The following PUM2 variants were observed in gnomAD, a reference collection of about 807,000 sequenced individuals.
The protein encoded by PUM2 is pumilio homolog 2.
PUM2 carries 57 observed loss-of-function variants against 124.5 expected under a neutral mutation model. The observed-to-expected ratio is 0.46, with a 90% confidence interval of 0.37 to 0.57. PUM2 has a LOEUF of 0.57. Ranked by LOEUF, PUM2 falls within the 20% of genes least tolerant of loss-of-function variation. PUM2 has a pLI of 0.00. For synonymous variants in PUM2, 460 were observed against 446.1 expected (o/e 1.03, Z -0.39); for missense variants, 1,065 against 1,290.6 (o/e 0.83, Z 2.68).
intron 1 of PUM2, among the ~76,000 whole-genome samples, chr2:20,328,073 G>C (rs1379963748): frequency 6.6e-6 from 1 of 152,152 alleles, no homozygotes; most frequent in Non-Finnish European, 1.5e-5. Flanking sequence ...GGTGGCTCAC[G>C]ACTATAATCT....
chr2:20,315,026 T>TCTTCAAATCAATGCCTTCAAACCAATC (rs1680537550), intron 3 of PUM2, among the ~76,000 whole-genome samples: 1 of 148,236 alleles, frequency 6.7e-6, no homozygotes, highest in Non-Finnish European at 1.5e-5. Context: ...TCCTTCCAAG[T>TCTTCAAATCAATGCCTTCAAACCAATC]CTTCAAATCA....
At chr2:20,282,463 A>G (rs1324031981) in intron 12 of PUM2, among the ~76,000 whole-genome samples, 1 of 152,248 alleles carries the variant, frequency 6.6e-6, no homozygotes, top group African/African-American at 2.4e-5. Context: ...TTATACATAC[A>G]CATATGTATT....
chr2:20,334,103 C>G (rs929870619), intron 1 of PUM2, among the ~76,000 whole-genome samples: 1 of 152,020 alleles, frequency 6.6e-6, no homozygotes. Flanking sequence ...TCTAAATTAC[C>G]CAGTCTCAGA....
chr2:20,317,713 T>C (rs1231036785), intron 3 of PUM2, among the ~76,000 whole-genome samples: 3 of 152,078 alleles, frequency 2.0e-5, no homozygotes, highest in Admixed American at 2.0e-4. Flanking sequence ...TCCCACCCTC[T>C]ACCCTCAAGG....
rs552296318 is a variant in PUM2, at chr2:20,261,988, G to C, written c.2225+1205C>G. The stretch of plus-strand genomic sequence containing the variant: ...TGCGTGCCTGTAGTCCCAGCTATTC[G>C]GGATGCTTAGGTGGGAGGACTGCTT... On this transcript the variant is annotated intron_variant, in intron 14 of 20. Coordinates refer to ENST00000361078, the MANE Select transcript of PUM2 (RefSeq NM_015317.5). Among the ~76,000 whole-genome samples the C allele has an allele frequency of 3.9e-3, 598 of 152,188 alleles. 2 individuals carry two copies. Among genetic ancestry groups the C allele is most frequent in the Non-Finnish European group, 5.8e-3 (396 of 67,996 alleles).
intron 7 of PUM2, among the ~76,000 whole-genome samples, chr2:20,304,724 T>C (rs760555650): frequency 6.6e-6 from 1 of 152,198 alleles, no homozygotes; most frequent in Non-Finnish European, 1.5e-5. Flanking sequence ...AGATCAGCTA[T>C]ATTCAAAGCT....
intron 1 of PUM2, among the ~76,000 whole-genome samples, chr2:20,335,616 AT>A (rs1215642774): frequency 2.0e-5 from 3 of 152,212 alleles, no homozygotes; most frequent in Non-Finnish European, 2.9e-5. Context: ...AAATACTTTC[AT>A]GGGGGAGTTA....
intron 13 of PUM2, among the ~76,000 whole-genome samples, chr2:20,276,399 A>G (rs926437781): frequency 3.3e-5 from 5 of 152,064 alleles, no homozygotes; most frequent in African/African-American, 4.8e-5. Flanking sequence ...TGGTTGTAAC[A>G]TTCACATCTT....
chr2:20,317,588 T>G (rs988857335), intron 3 of PUM2, among the ~76,000 whole-genome samples: 6 of 152,190 alleles, frequency 3.9e-5, no homozygotes, highest in Non-Finnish European at 5.9e-5. Context: ...GGGGTACATG[T>G]GCAGGTTTGT....
chr2:20,298,404 T>A (rs574666288), intron 7 of PUM2, among the ~76,000 whole-genome samples: 1 of 152,258 alleles, frequency 6.6e-6, no homozygotes, highest in African/African-American at 2.4e-5. Context: ...CACTTCTGAG[T>A]AACATACGTC....
chr2:20,301,735 G>A (rs12478265), intron 7 of PUM2, among the ~76,000 whole-genome samples: 41,665 of 151,894 alleles, frequency 0.27, 6,229 homozygotes, highest in Middle Eastern at 0.35. Context: ...CTACAGGTAC[G>A]CACTACCATA....
At chr2:20,351,008 G>A (rs1397587457), upstream of PUM2, among the ~76,000 whole-genome samples, 1 of 151,980 alleles carries the variant, frequency 6.6e-6, no homozygotes, top group Non-Finnish European at 1.5e-5. Context: ...GCTCTCACGT[G>A]TTTGGCCGCC....
chr2:20,326,256 C>T (rs1011459858), intron 2 of PUM2: 5 of 1,303,026 alleles, frequency 3.8e-6, no homozygotes, highest in African/African-American at 1.5e-5. Context: ...AGCACCTTAA[C>T]TCACCCTTAA....
intron 7 of PUM2, among the ~76,000 whole-genome samples, chr2:20,297,947 T>C (rs554697012): frequency 6.6e-6 from 1 of 152,300 alleles, no homozygotes; most frequent in South Asian, 2.1e-4. Context: ...AGGTATGTTA[T>C]AGAAAATAAA....
intron 9 of PUM2, among the ~76,000 whole-genome samples, chr2:20,292,551 G>A (rs948968730): frequency 1.3e-5 from 2 of 151,968 alleles, no homozygotes; most frequent in Admixed American, 1.3e-4. Flanking sequence ...TAGTAGAGAC[G>A]GGGTTTCACC....
At chr2:20,318,882 C>T (rs1358233091) in intron 2 of PUM2, among the ~76,000 whole-genome samples, 1 of 152,114 alleles carries the variant, frequency 6.6e-6, no homozygotes, top group Non-Finnish European at 1.5e-5. Flanking sequence ...TCTGACTTTT[C>T]TTCACTTTTC....
rs577626809 is a variant in PUM2, at chr2:20,254,183, C to T, written c.2871-169G>A. On this transcript the variant is annotated intron_variant, in intron 19 of 20. Transcript: ENST00000361078. ...TATTTTGTTCTTTTTTTTTTTGAGA[C>T]AGGGTCTTGTTCTGTCACCCGGGCT... 6.0e-5 allele frequency among the ~76,000 whole-genome samples: 9 copies of T among 150,920 alleles called. No individual in the cohort carries two copies. The East Asian group carries it at 1.7e-3, about 29-fold the overall frequency.
At chr2:20,264,665 G>GA (rs1667221128) in intron 13 of PUM2, among the ~76,000 whole-genome samples, 1 of 151,846 alleles carries the variant, frequency 6.6e-6, no homozygotes, top group Admixed American at 6.6e-5. Flanking sequence ...GTAGAGTTCA[G>GA]AAAAACAAAA....
At chr2:20,277,455 T>C (rs1370951487) in intron 13 of PUM2, among the ~76,000 whole-genome samples, 1 of 152,134 alleles carries the variant, frequency 6.6e-6, no homozygotes, top group African/African-American at 2.4e-5. Context: ...TCAGTATCAA[T>C]ACCCCAAATG....
Sources: allele counts gnomAD v4.1 joint callset (sites outside exome capture counted in the v4.1 genomes callset), GRCh38; gene constraint gnomAD v4.1.1; transcripts MANE v1.5; gene names NCBI Gene and HGNC (gene_info 2026-07-23, HGNC 2026-07-21).